The following GLIS3 variants were observed in gnomAD, a reference collection of about 807,000 sequenced individuals.
GLIS3 encodes the protein GLIS family zinc finger 3.
Under a neutral mutation model 78.6 loss-of-function variants are expected in GLIS3, and 53 were observed. The observed-to-expected ratio is 0.67, with a 90% CI of 0.54 to 0.85. The LOEUF (loss-of-function observed/expected upper bound fraction) is 0.85. Ranked by LOEUF, GLIS3 falls within the 40% of genes least tolerant of loss-of-function variation. The pLI, the probability that GLIS3 is intolerant of heterozygous loss-of-function variation, is 0.00. For missense variants in GLIS3, 1,703 were observed against 1,231.1 expected (o/e 1.38, Z -5.74); for synonymous variants, 684 against 509.9 (o/e 1.34, Z -4.60).
chr9:3,908,711 T>TTTG (rs1823903668), intron 6 of GLIS3, among the ~76,000 whole-genome samples: 2 of 130,776 alleles, frequency 1.5e-5, no homozygotes, highest in Admixed American at 8.1e-5. Flanking sequence ...TATTTGTTTT[T>TTTG]TTTTTTTTTT....
intron 2 of GLIS3, among the ~76,000 whole-genome samples, chr9:4,197,318 G>A (rs967108912): frequency 1.3e-5 from 2 of 152,150 alleles, no homozygotes; most frequent in African/African-American, 4.8e-5. Flanking sequence ...GCACCCACTT[G>A]CCTGGATCAG....
At position 4,066,037 on chromosome 9, in the gene GLIS3, T is replaced by TAAAAAAA. The variant is rs375649097; in HGVS notation, c.1710+51730_1710+51731insTTTTTTT. Reference sequence around the variant, plus strand: ...CATCTCATTAAAATGACCCAAAGAATATAAAAAAAAAAAAAAAGAAACAGG... The same window carrying TAAAAAAA: ...CATCTCATTAAAATGACCCAAAGAATAAAAAAAATAAAAAAAAAAAAAAAGAAACAGG... On this transcript the variant is annotated intron_variant, in intron 4 of 10. Coordinates refer to ENST00000381971, the MANE Select transcript of GLIS3 (RefSeq NM_001042413.2). Among the ~76,000 whole-genome samples the TAAAAAAA allele has an allele frequency of 3.9e-4, 37 of 95,620 alleles. 1 individual carries two copies. The highest frequency in any genetic ancestry group is 2.2e-3 in the East Asian group (7 of 3,236). 62.7% of individuals were successfully genotyped at this position (95,620 alleles called of 152,430 possible).
chr9:4,195,175 C>T (rs1818697021), intron 2 of GLIS3, among the ~76,000 whole-genome samples: 1 of 152,250 alleles, frequency 6.6e-6, no homozygotes, highest in Non-Finnish European at 1.5e-5. Context: ...AGCGCCTCCT[C>T]GGCCTCGGCG....
chr9:4,455,714 C>T, the GLIS3 span, among the ~76,000 whole-genome samples: 10 of 152,196 alleles, frequency 6.6e-5, no homozygotes, highest in South Asian at 2.1e-4. Flanking sequence ...CTTTCCAGAT[C>T]CTGAAAGGCA....
At chr9:4,311,567 C>G (rs912810832) in intron 2 of GLIS3, among the ~76,000 whole-genome samples, 7 of 152,128 alleles carry the variant, frequency 4.6e-5, no homozygotes, top group African/African-American at 1.7e-4. Flanking sequence ...CACTCTCCCT[C>G]CCTCCCAAGC....
chr9:4,213,927 C>CAAAAAAAAAAAAAAA (rs56146504), intron 2 of GLIS3, among the ~76,000 whole-genome samples: 1 of 138,222 alleles, frequency 7.2e-6, no homozygotes, highest in Non-Finnish European at 1.6e-5. Flanking sequence ...AACACAGAAG[C>CAAAAAAAAAAAAAAA]AAAAAAAAAA....
chr9:4,048,947 C>T (rs1475895372), intron 4 of GLIS3, among the ~76,000 whole-genome samples: 5 of 152,186 alleles, frequency 3.3e-5, no homozygotes, highest in African/African-American at 9.7e-5. Context: ...GTCACCAACA[C>T]GTGGCAGGAC....
the GLIS3 span, among the ~76,000 whole-genome samples, chr9:4,469,393 A>T: frequency 8.5e-5 from 13 of 152,070 alleles, no homozygotes; most frequent in Non-Finnish European, 1.3e-4. Context: ...GAAGTAAAGC[A>T]CTCCTCAGCA....
chr9:4,043,387 A>T (rs530830763), intron 4 of GLIS3, among the ~76,000 whole-genome samples: 1 of 152,224 alleles, frequency 6.6e-6, no homozygotes, highest in African/African-American at 2.4e-5. Context: ...GAATTAAGGC[A>T]GGTGGGGTGA....
In GLIS3 at chr9:3,828,101, C is replaced by A; in HGVS notation, c.*171G>T. 1 of 718,670 alleles carries A rather than the reference C, an allele frequency of 1.4e-6. No homozygotes were observed. The highest frequency in any genetic ancestry group is 1.7e-5 in the South Asian group (1 of 59,586). 44.5% of individuals were successfully genotyped at this position (718,670 alleles called of 1,614,324 possible). ...GAAAAAGGAGCAACTGTAATGATTC[C>A]TGCAAAGCTAGCTCTGCCATTCAGT... On this transcript the variant is annotated 3_prime_UTR_variant, in exon 11 of 11. Transcript: ENST00000381971.
intron 4 of GLIS3, among the ~76,000 whole-genome samples, chr9:4,044,088 C>A (rs1032649355): frequency 4.6e-5 from 7 of 152,194 alleles, no homozygotes; most frequent in African/African-American, 1.7e-4. Flanking sequence ...CTGGCAGACA[C>A]CTTCAGTGTC....
Position 3,826,140 on chromosome 9 carries a change from A to T in GLIS3, c.*2132T>A, listed in dbSNP as rs1171472910. 1 of 152,220 alleles carries T rather than the reference A, an allele frequency of 6.6e-6. No homozygotes were observed. The highest frequency in any genetic ancestry group is 2.4e-5 in the African/African-American group (1 of 41,442). The allele number at this position is 152,220 out of a possible 1,614,324, so 9.4% of individuals were successfully genotyped here. ...ATAAAGCCAAAAGGCAGGGCTGACA[A>T]TGTCAACTGCAATAACAACCTTGCC... is the stretch of plus-strand genomic sequence containing the variant. On this transcript the variant is annotated 3_prime_UTR_variant, in exon 11 of 11. Transcript: ENST00000381971.
chr9:4,249,922 T>C (rs1298949454), intron 2 of GLIS3, among the ~76,000 whole-genome samples: 1 of 152,230 alleles, frequency 6.6e-6, no homozygotes, highest in Non-Finnish European at 1.5e-5. Flanking sequence ...GGATTACATT[T>C]ATTGATTTGC....
At chr9:4,413,701 T>C in the GLIS3 span, among the ~76,000 whole-genome samples, 2 of 152,124 alleles carry the variant, frequency 1.3e-5, no homozygotes, top group Non-Finnish European at 2.9e-5. Flanking sequence ...CATGGCTCCC[T>C]AACACGGGGG....
chr9:4,019,816 T>C (rs989220107), intron 4 of GLIS3, among the ~76,000 whole-genome samples: 3 of 152,124 alleles, frequency 2.0e-5, no homozygotes, highest in Admixed American at 6.6e-5. Flanking sequence ...CACTGTAACC[T>C]CGAAATCCTG....
chr9:4,152,842 A>C (rs1254880444), intron 2 of GLIS3, among the ~76,000 whole-genome samples: 1 of 152,244 alleles, frequency 6.6e-6, no homozygotes, highest in African/African-American at 2.4e-5. Flanking sequence ...GAAGAAAACT[A>C]CCTGTTTCTG....
At chr9:4,300,450 G>A (rs571766610), upstream of GLIS3, among the ~76,000 whole-genome samples, 7 of 152,280 alleles carry the variant, frequency 4.6e-5, no homozygotes, top group South Asian at 1.5e-3. Flanking sequence ...ATAACACAGT[G>A]AAAAATGGCA....
At chr9:4,210,767 C>T (rs149827772) in intron 2 of GLIS3, among the ~76,000 whole-genome samples, 2 of 152,242 alleles carry the variant, frequency 1.3e-5, no homozygotes, top group African/African-American at 4.8e-5. Flanking sequence ...GCAGCTTCAC[C>T]TGCTAGAGCC....
At chr9:4,429,280 A>G in the GLIS3 span, among the ~76,000 whole-genome samples, 1 of 151,910 alleles carries the variant, frequency 6.6e-6, no homozygotes, top group Admixed American at 6.6e-5. Flanking sequence ...ATCACCTGCA[A>G]TGCCATTTGG....
Sources: gnomAD v4.1 joint callset for allele counts (sites outside exome capture counted in the v4.1 genomes callset) on GRCh38, gnomAD v4.1.1 for gene constraint, MANE v1.5 for transcripts, NCBI Gene and HGNC (gene_info 2026-07-23, HGNC 2026-07-21) for gene names.